GRM3: variants seen among roughly 807,000 people sequenced by gnomAD.
The protein encoded by GRM3 is glutamate metabotropic receptor 3.
A neutral mutation model predicts 70.5 loss-of-function variants in GRM3; 26 were observed. The ratio of observed to expected loss-of-function variants is 0.37; its 90% CI spans 0.27 to 0.51. The LOEUF (loss-of-function observed/expected upper bound fraction) is 0.51. Among genes scored for constraint, GRM3 ranks in the 20% least tolerant of loss-of-function variants. GRM3 has a pLI of 0.93. For missense variants in GRM3, 859 were observed against 1,123.8 expected, an observed-to-expected ratio of 0.76 and a Z score of 3.37; for synonymous variants, 443 against 434.9, an observed-to-expected ratio of 1.02 and a Z score of -0.23.
chr7:86,717,362 T>C (rs889672824), intron 1 of GRM3, among the ~76,000 whole-genome samples: 1 of 152,014 alleles, frequency 6.6e-6, no homozygotes, highest in Non-Finnish European at 1.5e-5. Context: ...CAATGACTTT[T>C]ATTTAAATTC....
At chr7:86,788,787 A>G (rs577896281) in intron 3 of GRM3, among the ~76,000 whole-genome samples, 2 of 152,358 alleles carry the variant, frequency 1.3e-5, no homozygotes, top group South Asian at 4.1e-4. Context: ...ACTCCCCATC[A>G]GACTACCCTT....
At chr7:86,724,447 G>A (rs1270164435) in intron 1 of GRM3, among the ~76,000 whole-genome samples, 2 of 152,038 alleles carry the variant, frequency 1.3e-5, no homozygotes, top group Non-Finnish European at 2.9e-5. Context: ...CTGAATTGAA[G>A]ACTCAATTTC....
intron 1 of GRM3, among the ~76,000 whole-genome samples, chr7:86,673,606 A>G (rs1466946382): frequency 1.3e-5 from 2 of 152,082 alleles, no homozygotes; most frequent in African/African-American, 4.8e-5. Context: ...CCTAAATGAC[A>G]TATATGTTTA....
chr7:86,705,200 T>G (rs189115721), intron 1 of GRM3, among the ~76,000 whole-genome samples: 11 of 152,142 alleles, frequency 7.2e-5, no homozygotes, highest in Non-Finnish European at 1.3e-4. Flanking sequence ...AGCTCTCTAT[T>G]TTTTCCTTCC....
At chr7:86,692,739 A>G (rs770611053) in intron 1 of GRM3, among the ~76,000 whole-genome samples, 2 of 152,236 alleles carry the variant, frequency 1.3e-5, no homozygotes, top group Non-Finnish European at 2.9e-5. Flanking sequence ...TAGGCACATA[A>G]AATATTTTTT....
chr7:86,704,996 C>A (rs115127114), intron 1 of GRM3, among the ~76,000 whole-genome samples: 1,925 of 151,874 alleles, frequency 0.013, 35 homozygotes, highest in African/African-American at 0.044. Context: ...TATTGTTAGG[C>A]AATACTGACA....
chr7:86,729,125 T>C (rs968520423), intron 1 of GRM3, among the ~76,000 whole-genome samples: 1 of 149,650 alleles, frequency 6.7e-6, no homozygotes, highest in Non-Finnish European at 1.5e-5. Flanking sequence ...TTCAAGCAGA[T>C]TTTTTTTTTA....
chr7:86,704,280 T>G (rs1165771484), intron 1 of GRM3, among the ~76,000 whole-genome samples: 1 of 151,988 alleles, frequency 6.6e-6, no homozygotes, highest in Admixed American at 6.6e-5. Flanking sequence ...TCTCAAGTTT[T>G]GATTAGATGC....
At chr7:86,768,443 A>G (rs1796658438) in intron 2 of GRM3, among the ~76,000 whole-genome samples, 3 of 152,198 alleles carry the variant, frequency 2.0e-5, no homozygotes, top group Admixed American at 1.3e-4. Context: ...CTAAAGTCAT[A>G]TAGAACACAG....
chr7:86,673,158 T>TGAGC (rs1794216062), intron 1 of GRM3, among the ~76,000 whole-genome samples: 1 of 152,138 alleles, frequency 6.6e-6, no homozygotes, highest in East Asian at 1.9e-4. Flanking sequence ...AAGGCATGAC[T>TGAGC]GAGCACTCAG....
intron 1 of GRM3, among the ~76,000 whole-genome samples, chr7:86,747,508 GT>G (rs1244711628): frequency 6.6e-6 from 1 of 151,864 alleles, no homozygotes; most frequent in African/African-American, 2.4e-5. Context: ...CTCTTTATAG[GT>G]TTTATATTGT....
chr7:86,683,757 C>T (rs1427943836), intron 1 of GRM3, among the ~76,000 whole-genome samples: 1 of 152,082 alleles, frequency 6.6e-6, no homozygotes, highest in Non-Finnish European at 1.5e-5. Context: ...CAAATTTAAT[C>T]ACAATATGAA....
chr7:86,782,307 C>T (rs956786534), intron 2 of GRM3, among the ~76,000 whole-genome samples: 17 of 147,444 alleles, frequency 1.2e-4, no homozygotes, highest in African/African-American at 4.4e-4. Context: ...GGGACAAACT[C>T]CATTCATCTG....
At chr7:86,673,740 C>A (rs1400749658) in intron 1 of GRM3, among the ~76,000 whole-genome samples, 4 of 152,068 alleles carry the variant, frequency 2.6e-5, no homozygotes, top group Non-Finnish European at 5.9e-5. Context: ...AAACTGAATC[C>A]ATTCTCTCTC....
chr7:86,767,560 A>AT (rs1562854647), intron 2 of GRM3, among the ~76,000 whole-genome samples: 7 of 118,858 alleles, frequency 5.9e-5, no homozygotes, highest in African/African-American at 1.5e-4. Flanking sequence ...TATATATATA[A>AT]ATGAAGTATG....
At chr7:86,860,290 ATAAC>A (rs1408273064) in intron 5 of GRM3, among the ~76,000 whole-genome samples, 1 of 152,202 alleles carries the variant, frequency 6.6e-6, no homozygotes, top group Non-Finnish European at 1.5e-5. Flanking sequence ...ACCTTGGTGA[ATAAC>A]AGACGGGCTA....
chr7:86,651,882 A>C (rs1024516), intron 1 of GRM3, among the ~76,000 whole-genome samples: 44,598 of 152,138 alleles, frequency 0.29, 8,504 homozygotes, highest in East Asian at 0.71. Flanking sequence ...TTGGTTCATA[A>C]AATTTTCCAA....
chr7:86,827,369 G>C (rs1224462787), intron 3 of GRM3, among the ~76,000 whole-genome samples: 2 of 152,146 alleles, frequency 1.3e-5, no homozygotes, highest in Non-Finnish European at 2.9e-5. Context: ...TAAAACTAAA[G>C]ACTGTACTGG....
chr7:86,823,937 G>A (rs1321182893), intron 3 of GRM3, among the ~76,000 whole-genome samples: 1 of 152,106 alleles, frequency 6.6e-6, no homozygotes, highest in African/African-American at 2.4e-5. Flanking sequence ...GCAGTGAATG[G>A]CAGATCTTCC....
Sources: gnomAD v4.1 joint callset for allele counts (sites outside exome capture counted in the v4.1 genomes callset) on GRCh38, gnomAD v4.1.1 for gene constraint, MANE v1.5 for transcripts, NCBI Gene and HGNC (gene_info 2026-07-23, HGNC 2026-07-21) for gene names.